NOS1: variants seen among roughly 807,000 people sequenced by gnomAD.
NOS1 encodes nitric oxide synthase 1.
NOS1 carries 51 observed loss-of-function variants against 164.5 expected under a neutral mutation model. That is an observed-to-expected ratio of 0.31 (90% CI 0.25 to 0.39). NOS1 has a LOEUF of 0.39. NOS1 is among the 10% of genes least tolerant of loss of function. NOS1 has a pLI of 1.00. For missense variants in NOS1, 1,362 were observed against 1,885.6 expected, an observed-to-expected ratio of 0.72 and a Z score of 5.14; for synonymous variants, 719 against 745.8, an observed-to-expected ratio of 0.96 and a Z score of 0.59.
Position 117,274,544 on chromosome 12 carries a change from G to A in NOS1, c.1665-1985C>T, listed in dbSNP as rs932840329. On this transcript the variant is annotated intron_variant, in intron 9 of 28. Coordinates refer to ENST00000317775, the MANE Select transcript of NOS1 (RefSeq NM_000620.5). ...AGCACTTTAGGAGGCCGAGGCAGGT[G>A]GATCATTTGAGGTCAGGGGTTCAAG... is the stretch of plus-strand genomic sequence containing the variant. 2.0e-5 allele frequency among the ~76,000 whole-genome samples: 3 copies of A among 152,056 alleles called. No homozygotes were observed. The South Asian group carries it at 6.2e-4, about 32-fold the overall frequency.
At position 117,212,638 on chromosome 12, in the gene NOS1, G is replaced by A; in HGVS notation, c.*2671C>T. On this transcript the variant is annotated 3_prime_UTR_variant, in exon 29 of 29. Coordinates refer to ENST00000317775, the MANE Select transcript of NOS1 (RefSeq NM_000620.5). ...CTGCTACTGGTCAATTCAGGGGGAA[G>A]AGGGAAATAAATGGGCCATAACCCG... 3.0e-6 allele frequency: 3 copies of A among 985,462 alleles called. No individual in the cohort carries two copies. Among genetic ancestry groups the A allele is most frequent in the Non-Finnish European group, 3.6e-6 (3 of 829,950 alleles). The allele number at this position is 985,462 out of a possible 1,614,324, so 61.0% of individuals were successfully genotyped here.
At chr12:117,294,278 C>A (rs933183896) in intron 3 of NOS1, among the ~76,000 whole-genome samples, 2 of 152,070 alleles carry the variant, frequency 1.3e-5, no homozygotes, top group Non-Finnish European at 2.9e-5. Flanking sequence ...GGGGGCCAGG[C>A]GTGAGGAGGA....
chr12:117,330,398 C>T lies in NOS1; in HGVS notation c.672G>A (p.Lys224=), dbSNP rs1364362855. Residue 224 remains lysine (K), a synonymous_variant, in exon 2 of 29, where the codon AAG becomes AAA. Transcript: ENST00000317775. The surrounding 1 kb of genome is among the most constrained non-coding windows in gnomAD (Gnocchi z 4.6). ...TCTCTGCCTTGGCAGGTGCCCCTCC[C>T]TTGACCCCTCTGCTCCCACTGGTGA... The part of the protein sequence containing the change: ...SLLTSGSRGV[K]GGAPAKAEMK... The T allele has an allele frequency of 1.5e-5, 24 of 1,614,078 alleles. No homozygotes were observed. The highest frequency in any genetic ancestry group is 1.9e-5 in the Non-Finnish European group (23 of 1,180,036).
intron 24 of NOS1, among the ~76,000 whole-genome samples, chr12:117,226,386 T>C (rs1366508782): frequency 2.0e-5 from 3 of 152,138 alleles, no homozygotes; most frequent in South Asian, 4.1e-4. Flanking sequence ...ATACGGTCCA[T>C]GAAGGTGGAG....
intron 2 of NOS1, among the ~76,000 whole-genome samples, chr12:117,321,685 T>C (rs907371778): frequency 2.0e-5 from 3 of 152,130 alleles, no homozygotes; most frequent in Non-Finnish European, 4.4e-5. Context: ...AGTTCCTTAA[T>C]TGAAATATGC....
At chr12:117,351,540 T>C (rs1409367381) in intron 1 of NOS1, among the ~76,000 whole-genome samples, 1 of 152,190 alleles carries the variant, frequency 6.6e-6, no homozygotes, top group African/African-American at 2.4e-5. Context: ...AGACCCTGAC[T>C]GACAAATCTT....
chr12:117,273,763 C>A (rs561894735), intron 9 of NOS1, among the ~76,000 whole-genome samples: 4 of 152,204 alleles, frequency 2.6e-5, no homozygotes, highest in African/African-American at 9.6e-5. Context: ...GTTCATCTGA[C>A]CCTAATCTCA....
chr12:117,258,901 T>C, intron 15 of NOS1, 125 bp downstream of exon 15: 1 of 647,236 alleles, frequency 1.5e-6, no homozygotes, highest in Non-Finnish European at 2.7e-6. Context: ...AAATGGAAAT[T>C]ACTGGCTTTC....
chr12:117,292,515 T>G (rs999981888), intron 3 of NOS1, among the ~76,000 whole-genome samples: 1 of 152,188 alleles, frequency 6.6e-6, no homozygotes, highest in Non-Finnish European at 1.5e-5. Flanking sequence ...CACAGAGAAC[T>G]GCGAAGGACT....
chr12:117,234,713 C>T lies in NOS1; in HGVS notation c.3087G>A (p.Glu1029=). Residue 1029 remains glutamate (E), a synonymous_variant, in exon 21 of 29, where the codon GAG becomes GAA. Transcript: ENST00000317775. The surrounding 1 kb of genome is among the most constrained non-coding windows in gnomAD (Gnocchi z 4.3). ...GGTGGTCCCCAGGCTGGTACTGCAG[C>T]TCCTGGCTCCCGTTGGTGTGGAGAC... is the stretch of plus-strand genomic sequence containing the variant. ...FVRLHTNGSQ[E]LQYQPGDHLG... The T allele has an allele frequency of 6.2e-7, 1 of 1,613,806 alleles. No homozygotes were observed. Among genetic ancestry groups the T allele is most frequent in the Non-Finnish European group, 8.5e-7 (1 of 1,179,794 alleles).
At chr12:117,349,416 G>A (rs1876513389) in intron 1 of NOS1, among the ~76,000 whole-genome samples, 1 of 152,220 alleles carries the variant, frequency 6.6e-6, no homozygotes, top group East Asian at 1.9e-4. Context: ...ATCGTGAATA[G>A]TGCTATGAAC....
intron 1 of NOS1, among the ~76,000 whole-genome samples, chr12:117,337,648 G>A (rs1022031482): frequency 4.6e-5 from 7 of 152,066 alleles, no homozygotes; most frequent in Non-Finnish European, 1.0e-4. Flanking sequence ...CAAATATCAC[G>A]TCACCTTTTG....
At chr12:117,322,532 C>A (rs527749132) in intron 2 of NOS1, among the ~76,000 whole-genome samples, 3 of 134,176 alleles carry the variant, frequency 2.2e-5, no homozygotes, top group South Asian at 5.6e-4. Context: ...TCCTTCCTTC[C>A]CTCTCTCCTT....
chr12:117,259,481 G>C (rs200077851), intron 14 of NOS1, among the ~76,000 whole-genome samples: 1 of 152,088 alleles, frequency 6.6e-6, no homozygotes, highest in East Asian at 1.9e-4. Flanking sequence ...ATTGGTCTTG[G>C]ATTCTTCCTG....
chr12:117,288,233 A>C lies in NOS1; in HGVS notation c.982-14T>G. 6.2e-7 allele frequency: 1 copy of C among 1,607,040 alleles called. No homozygotes were observed. The highest frequency in any genetic ancestry group is 8.5e-7 in the Non-Finnish European group (1 of 1,176,968). Reference sequence around the variant, plus strand: ...GCATCCCGTTTCCTGGAAGATCAAGAGATTTGGGGTATTGCTTGGTTTTAC... The same window carrying C: ...GCATCCCGTTTCCTGGAAGATCAAGCGATTTGGGGTATTGCTTGGTTTTAC... On this transcript the variant is annotated splice_polypyrimidine_tract_variant and intron_variant, in intron 4 of 28. Coordinates refer to ENST00000317775, the MANE Select transcript of NOS1 (RefSeq NM_000620.5).
intron 2 of NOS1, among the ~76,000 whole-genome samples, chr12:117,324,715 C>CTAAATAAATACATAAATAAATAAATAAA (rs1875156884): frequency 6.7e-6 from 1 of 149,244 alleles, no homozygotes; most frequent in African/African-American, 2.5e-5. Context: ...GACTCTGTCT[C>CTAAATAAATACATAAATAAATAAATAAA]TAAATAAATA....
chr12:117,226,281 C>T (rs1318458855), intron 24 of NOS1, among the ~76,000 whole-genome samples: 3 of 152,104 alleles, frequency 2.0e-5, no homozygotes, highest in Admixed American at 6.6e-5. Context: ...AGGAAAAGCT[C>T]CAATGAATGG....
chr12:117,247,292 C>G (rs1427927942), intron 18 of NOS1, 56 bp downstream of exon 18: 2 of 1,426,982 alleles, frequency 1.4e-6, no homozygotes, highest in South Asian at 2.7e-5. Flanking sequence ...TAGGTGCTGT[C>G]TTTGGGGGTG....
At chr12:117,284,819 G>A (rs1873972724) in intron 7 of NOS1, among the ~76,000 whole-genome samples, 1 of 152,108 alleles carries the variant, frequency 6.6e-6, no homozygotes, top group Non-Finnish European at 1.5e-5. Context: ...GGAGGCCGAG[G>A]CGGGTGGAGC....
Sources: allele counts gnomAD v4.1 joint callset (sites outside exome capture counted in the v4.1 genomes callset), GRCh38; gene constraint gnomAD v4.1.1; non-coding constraint Gnocchi (gnomAD v3.1); transcripts MANE v1.5; gene names NCBI Gene and HGNC (gene_info 2026-07-23, HGNC 2026-07-21).